Variants in TTLL7 observed in about 807,000 individuals in gnomAD.
TTLL7 encodes the protein tubulin tyrosine ligase like 7, also known as tubulin polyglutamylase TTLL7.
Under a neutral mutation model 120.2 loss-of-function variants are expected in TTLL7, and 53 were observed. That is an observed-to-expected ratio of 0.44 (90% CI 0.35 to 0.55). The LOEUF is 0.55. Among genes scored for constraint, TTLL7 ranks in the 20% least tolerant of loss-of-function variants. The pLI is 0.00. For missense variants in TTLL7, 803 were observed against 1,054.7 expected, an observed-to-expected ratio of 0.76 and a Z score of 3.31; for synonymous variants, 353 against 351.7, an observed-to-expected ratio of 1.00 and a Z score of -0.04.
At chr1:83,911,773 TACTC>T (rs763915312) in intron 14 of TTLL7, among the ~76,000 whole-genome samples, 5 of 152,044 alleles carry the variant, frequency 3.3e-5, no homozygotes, top group Admixed American at 6.6e-5. Flanking sequence ...CGTTCAGAGT[TACTC>T]AATAAATGTG....
chr1:83,948,966 T>A, intron 4 of TTLL7: 1 of 263,262 alleles, frequency 3.8e-6, no homozygotes, highest in Non-Finnish European at 7.2e-6. Context: ...ATAGTGATAA[T>A]TCAATATCCA....
rs1313005685 is a variant in TTLL7 at position 83,890,304 on chromosome 1, G to C, written c.2369+17C>G. ...AATATTAAAAATGACGATAATAAAA[G>C]ATGACTTAGAGCTTACCCTGAATCA... On this transcript the variant is annotated intron_variant, in intron 19 of 20. Coordinates refer to ENST00000260505, the MANE Select transcript of TTLL7 (RefSeq NM_024686.6). 6.3e-7 allele frequency: 1 copy of C among 1,579,070 alleles called. No homozygotes were observed. Among genetic ancestry groups the C allele is most frequent in the Non-Finnish European group, 8.6e-7 (1 of 1,169,400 alleles).
rs370366676 is a variant in TTLL7 at position 83,977,509 on chromosome 1, A to T, written c.-177+21422T>A. ...AAATCAAATGACTTTATGATGTTTT[A>T]CTTTATGCAGCCTGACTTAACACTA... On this transcript the variant is annotated intron_variant, in intron 1 of 20. Coordinates refer to ENST00000260505, the MANE Select transcript of TTLL7 (RefSeq NM_024686.6). Among the ~76,000 whole-genome samples, 26 of 152,034 alleles carry T rather than the reference A, an allele frequency of 1.7e-4. No individual in the cohort carries two copies. The East Asian group carries it at 5.0e-3, about 29-fold the overall frequency.
At chr1:83,947,081 A>T (rs1557707379) in intron 6 of TTLL7, 43 bp downstream of exon 6, 15 of 1,498,260 alleles carry the variant, frequency 1.0e-5, no homozygotes, top group South Asian at 4.0e-5. Flanking sequence ...CCACTCCCAA[A>T]TTTTTTTTTA....
intron 19 of TTLL7, among the ~76,000 whole-genome samples, chr1:83,889,091 A>G (rs1655220415): frequency 6.6e-6 from 1 of 152,054 alleles, no homozygotes; most frequent in Non-Finnish European, 1.5e-5. Flanking sequence ...GGTTTAATTG[A>G]CTCATAGTTC....
chr1:83,899,063 A>C (rs143940369), intron 18 of TTLL7, among the ~76,000 whole-genome samples: 343 of 151,992 alleles, frequency 2.3e-3, no homozygotes, highest in Admixed American at 3.8e-3. Flanking sequence ...GGCAGGGTTA[A>C]CTTTATAAAA....
intron 6 of TTLL7, among the ~76,000 whole-genome samples, chr1:83,943,736 T>C (rs1359534051): frequency 6.6e-6 from 1 of 152,164 alleles, no homozygotes; most frequent in Admixed American, 6.5e-5. Context: ...CAACAAAATA[T>C]TATGAGGCAT....
intron 17 of TTLL7, among the ~76,000 whole-genome samples, chr1:83,905,535 A>G (rs1353519639): frequency 1.3e-5 from 2 of 150,406 alleles, no homozygotes; most frequent in Non-Finnish European, 3.0e-5. Flanking sequence ...AAAAAAACAT[A>G]TATTTTATAT....
chr1:83,951,536 T>C (rs1649051947), intron 3 of TTLL7, among the ~76,000 whole-genome samples: 1 of 152,144 alleles, frequency 6.6e-6, no homozygotes, highest in Non-Finnish European at 1.5e-5. Context: ...AATTCACAGC[T>C]TGAAGAGCTG....
intron 9 of TTLL7, among the ~76,000 whole-genome samples, chr1:83,931,762 T>C (rs1476667538): frequency 6.6e-6 from 1 of 152,166 alleles, no homozygotes; most frequent in Non-Finnish European, 1.5e-5. Flanking sequence ...TTATGAAAAT[T>C]TGTGCAATTC....
At chr1:83,933,920 T>C (rs1458063968) in intron 8 of TTLL7, among the ~76,000 whole-genome samples, 154 bp from the exon 9 acceptor site, 1 of 152,190 alleles carries the variant, frequency 6.6e-6, no homozygotes, top group Non-Finnish European at 1.5e-5. Flanking sequence ...TCTTCACTCT[T>C]ACCCCTGCCC....
chr1:83,865,746 T>A lies in TTLL7; in HGVS notation c.*4216A>T, dbSNP rs965407370. The A allele has an allele frequency of 1.3e-5, 2 of 151,982 alleles. No individual in the cohort carries two copies. Among genetic ancestry groups the A allele is most frequent in the Admixed American group, 1.3e-4 (2 of 15,250 alleles). The allele number at this position is 151,982 out of a possible 1,614,324, so 9.4% of individuals were successfully genotyped here. On this transcript the variant is annotated 3_prime_UTR_variant, in exon 21 of 21. Transcript: ENST00000260505. ...ACTTGATGCAACAACATATTTTATG[T>A]TTTATTATTGCTGAGGCAAAATCAC...
chr1:83,954,836 C>A (rs1649369567), intron 1 of TTLL7, among the ~76,000 whole-genome samples: 1 of 146,042 alleles, frequency 6.8e-6, no homozygotes. Context: ...AAAAATTACC[C>A]ACAAAAATCC....
chr1:83,965,332 C>T (rs967492411), intron 1 of TTLL7, among the ~76,000 whole-genome samples: 3 of 152,010 alleles, frequency 2.0e-5, no homozygotes, highest in African/African-American at 4.8e-5. Context: ...TGAGTTCTCA[C>T]GAAATCTGAT....
chr1:83,899,051 T>A (rs1656485880), intron 18 of TTLL7, among the ~76,000 whole-genome samples: 1 of 151,904 alleles, frequency 6.6e-6, no homozygotes, highest in South Asian at 2.1e-4. Flanking sequence ...CCTACAAATT[T>A]TGGCAGGGTT....
chr1:83,942,759 A>G, intron 6 of TTLL7, 80 bp from the exon 7 acceptor site: 2 of 1,018,110 alleles, frequency 2.0e-6, no homozygotes, highest in South Asian at 3.4e-5. Context: ...ACTCAAATGG[A>G]AAATAGTGGA....
intron 5 of TTLL7, 42 bp downstream of exon 5, chr1:83,948,586 A>AT: frequency 7.4e-7 from 1 of 1,346,074 alleles, no homozygotes; most frequent in Non-Finnish European, 1.1e-6. Context: ...TATGGTATAA[A>AT]TTTTGAACAG....
intron 17 of TTLL7, among the ~76,000 whole-genome samples, chr1:83,906,055 AT>A (rs1469814709): frequency 2.0e-5 from 3 of 152,064 alleles, no homozygotes; most frequent in African/African-American, 7.2e-5. Context: ...TTTAACACTA[AT>A]TATTCTGACT....
chr1:83,889,809 T>C (rs1222842780), intron 19 of TTLL7: 1 of 416,776 alleles, frequency 2.4e-6, no homozygotes, highest in Non-Finnish European at 4.8e-6. Flanking sequence ...AATGACTGAA[T>C]AAAGACAGTG....
Sources: gnomAD v4.1 joint callset for allele counts (sites outside exome capture counted in the v4.1 genomes callset) on GRCh38, gnomAD v4.1.1 for gene constraint, MANE v1.5 for transcripts, NCBI Gene and HGNC (gene_info 2026-07-23, HGNC 2026-07-21) for gene names.